LIPI: variants seen among roughly 807,000 people sequenced by gnomAD.
The protein encoded by LIPI is lipase I.
In LIPI, 59 loss-of-function variants were observed where a neutral mutation model predicts 50.6. The observed-to-expected ratio is 1.16, with a 90% confidence interval of 0.94 to 1.45. LIPI has a LOEUF of 1.45. Ranked by LOEUF, LIPI falls within the 40% of genes most tolerant of loss-of-function variation. The probability of loss-of-function intolerance (pLI) is 0.00; values close to 1 mark genes in which losing one functional copy is unlikely to be tolerated. For synonymous variants in LIPI, 203 were observed against 178.2 expected (o/e 1.14, Z -1.11); for missense variants, 586 against 536.3 (o/e 1.09, Z -0.92).
intron 6 of LIPI, 59 bp from the exon 7 acceptor site, chr21:14,163,582 A>G: frequency 3.6e-6 from 3 of 841,770 alleles, no homozygotes; most frequent in Admixed American, 3.4e-5. Flanking sequence ...CAAAAATGTC[A>G]AATCACTAAA....
At chr21:14,142,475 T>A (rs1322301046) in intron 9 of LIPI, among the ~76,000 whole-genome samples, 1 of 148,840 alleles carries the variant, frequency 6.7e-6, no homozygotes, top group Non-Finnish European at 1.5e-5. Flanking sequence ...AGATAATATA[T>A]TATATATATA....
At chr21:14,126,932 A>T (rs2017090398) in intron 9 of LIPI, among the ~76,000 whole-genome samples, 1 of 152,226 alleles carries the variant, frequency 6.6e-6, no homozygotes, top group African/African-American at 2.4e-5. Context: ...TGGTGATTAT[A>T]TAACTCTTTG....
intron 9 of LIPI, among the ~76,000 whole-genome samples, chr21:14,110,894 T>C (rs2016383373): frequency 6.7e-6 from 1 of 148,918 alleles, no homozygotes; most frequent in East Asian, 1.9e-4. Flanking sequence ...ATAGGTGATA[T>C]ATATATGCAT....
In LIPI at chr21:14,210,829, A is replaced by C; in HGVS notation, c.17T>G (p.Phe6Cys). The stretch of plus-strand genomic sequence containing the variant: ...TCTCACCCAGCACATCAAACAAAGA[A>C]AAATGTATACTCTCATTTGGAATCT... MRVYIFLCLMCWVRSD... is the reference protein window; with the variant it reads MRVYICLCLMCWVRSD... The change falls in exon 1 of 10, where the codon TTT (phenylalanine) becomes TGT (cysteine). Residue 6 changes from phenylalanine (F) to cysteine (C), a missense_variant. Physicochemically the swap from Phe to Cys is radical, Grantham distance 205 (BLOSUM62 -2). Transcript: ENST00000681601. 8.1e-7 allele frequency: 1 copy of C among 1,234,240 alleles called. No individual in the cohort carries two copies. The highest frequency in any genetic ancestry group is 1.4e-5 in the South Asian group (1 of 73,358). The allele number at this position is 1,234,240 out of a possible 1,614,324, so 76.5% of individuals were successfully genotyped here.
chr21:14,194,805 A>T (rs1359582099), intron 1 of LIPI, among the ~76,000 whole-genome samples: 1 of 152,234 alleles, frequency 6.6e-6, no homozygotes, highest in African/African-American at 2.4e-5. Context: ...AATGGCTAAA[A>T]TAATAATTTT....
intron 9 of LIPI, among the ~76,000 whole-genome samples, chr21:14,111,627 G>A (rs1004882507): frequency 6.6e-6 from 1 of 151,794 alleles, no homozygotes; most frequent in East Asian, 1.9e-4. Context: ...TGCATTTGTT[G>A]CCTGTGCTTT....
chr21:14,170,490 GCAGCA>G (rs1467425063), intron 4 of LIPI, among the ~76,000 whole-genome samples: 8 of 152,142 alleles, frequency 5.3e-5, no homozygotes, highest in Admixed American at 3.3e-4. Flanking sequence ...ACCGAATCCA[GCAGCA>G]CATCAAGAAG....
chr21:14,122,447 C>T lies in LIPI; in HGVS notation c.1296-13367G>A, dbSNP rs377299254. 1.6e-4 allele frequency among the ~76,000 whole-genome samples: 25 copies of T among 152,164 alleles called. No individual in the cohort carries two copies. In the East Asian group the frequency reaches 1.9e-3, roughly 12 times the overall value. ...GGAACTGGGAAACTCATAAGCAAAA[C>T]ACGGGTATTACCTTATTCACATAAA... is the stretch of plus-strand genomic sequence containing the variant. On this transcript the variant is annotated intron_variant, in intron 9 of 9. Transcript: ENST00000681601.
chr21:14,151,870 A>G (rs1001590084), intron 8 of LIPI, among the ~76,000 whole-genome samples: 1 of 151,950 alleles, frequency 6.6e-6, no homozygotes, highest in Non-Finnish European at 1.5e-5. Flanking sequence ...ACCCTCCCCT[A>G]TTGTTTGGGA....
At chr21:14,209,421 C>T (rs964562190) in intron 1 of LIPI, among the ~76,000 whole-genome samples, 7 of 152,154 alleles carry the variant, frequency 4.6e-5, no homozygotes, top group African/African-American at 1.7e-4. Flanking sequence ...AAATAAAACA[C>T]ACTTGTATGA....
At chr21:14,192,926 A>C (rs2019725206) in intron 1 of LIPI, among the ~76,000 whole-genome samples, 1 of 152,232 alleles carries the variant, frequency 6.6e-6, no homozygotes, top group Admixed American at 6.5e-5. Flanking sequence ...AAATACAAAA[A>C]TATAAGTTTC....
chr21:14,210,757 T>A, intron 1 of LIPI, 43 bp downstream of exon 1: 1 of 826,382 alleles, frequency 1.2e-6, no homozygotes, highest in Non-Finnish European at 1.6e-6. Context: ...CTATTTTATA[T>A]GCAATTTTTA....
chr21:14,120,312 A>C (rs930095790), intron 9 of LIPI, among the ~76,000 whole-genome samples: 2 of 152,230 alleles, frequency 1.3e-5, no homozygotes, highest in Admixed American at 1.3e-4. Context: ...CACAGAAGGC[A>C]GAATAGCTCT....
intron 8 of LIPI, among the ~76,000 whole-genome samples, chr21:14,149,114 A>G (rs1170553554): frequency 1.3e-5 from 2 of 152,192 alleles, no homozygotes; most frequent in Non-Finnish European, 2.9e-5. Flanking sequence ...GGTAATTTAT[A>G]AAGAAAAGAG....
At chr21:14,185,250 T>C (rs1296929848) in intron 3 of LIPI, among the ~76,000 whole-genome samples, 4 of 152,342 alleles carry the variant, frequency 2.6e-5, no homozygotes, top group African/African-American at 9.6e-5. Flanking sequence ...CCTGATTCTT[T>C]TGTAGCATTC....
At chr21:14,145,127 T>TAGTCCCTTTAACAACTATC (rs11269463) in intron 8 of LIPI, among the ~76,000 whole-genome samples, 1 of 151,952 alleles carries the variant, frequency 6.6e-6, no homozygotes, top group Non-Finnish European at 1.5e-5. Flanking sequence ...ATGTGTTTTT[T>TAGTCCCTTTAACAACTATC]ACAGTTCCTT....
At chr21:14,186,149 T>C (rs1375300512) in intron 2 of LIPI, 80 bp from the exon 3 acceptor site, 1 of 809,296 alleles carries the variant, frequency 1.2e-6, no homozygotes, top group African/African-American at 1.7e-5. Flanking sequence ...TATCGACATT[T>C]CAAAATTCAT....
At chr21:14,131,677 A>G (rs2017301771) in intron 9 of LIPI, among the ~76,000 whole-genome samples, 1 of 152,178 alleles carries the variant, frequency 6.6e-6, no homozygotes, top group African/African-American at 2.4e-5. Flanking sequence ...TGACACCACC[A>G]AGGGACCGCA....
Position 14,189,203 on chromosome 21 carries a change from G to A in LIPI, c.263C>T (p.Ser88Phe). The change falls in exon 2 of 10, where the codon TCC (serine) becomes TTC (phenylalanine). Residue 88 changes from serine to phenylalanine, a missense_variant. Transcript: ENST00000681601. Reference sequence around the variant, plus strand: ...GAAGTTCTGAAGCCATAATGGGATGGAGCCTACTGGTCTGTATCCGTGAAT... The same window carrying A: ...GAAGTTCTGAAGCCATAATGGGATGAAGCCTACTGGTCTGTATCCGTGAAT... ...WLIHGYRPVG[S>F]IPLWLQNFVR... The A allele has an allele frequency of 6.2e-7, 1 of 1,614,050 alleles. No individual in the cohort carries two copies. The highest frequency in any genetic ancestry group is 8.5e-7 in the Non-Finnish European group (1 of 1,179,952).
Sources: allele counts gnomAD v4.1 joint callset (sites outside exome capture counted in the v4.1 genomes callset), GRCh38; gene constraint gnomAD v4.1.1; transcripts MANE v1.5; gene names NCBI Gene and HGNC (gene_info 2026-07-23, HGNC 2026-07-21).